The following TMPRSS15 variants were observed in gnomAD, a reference collection of about 807,000 sequenced individuals.
TMPRSS15 encodes the protein transmembrane serine protease 15.
Under a neutral mutation model 125.3 loss-of-function variants are expected in TMPRSS15, and 128 were observed. The observed-to-expected ratio is 1.02, with a 90% CI of 0.89 to 1.18. The LOEUF (loss-of-function observed/expected upper bound fraction) is 1.18, where lower values mean the gene tolerates loss of function less well. TMPRSS15 is among the 50% of genes most tolerant of loss of function. TMPRSS15 has a pLI of 0.00. For synonymous variants in TMPRSS15, 446 were observed against 423.2 expected (o/e 1.05, Z -0.66); for missense variants, 1,283 against 1,212.7 (o/e 1.06, Z -0.86).
intron 4 of TMPRSS15, among the ~76,000 whole-genome samples, chr21:18,381,740 C>T (rs565743552): frequency 3.4e-4 from 52 of 152,144 alleles, no homozygotes; most frequent in Non-Finnish European, 5.7e-4. Context: ...TTCAGCATAT[C>T]TGTCAATTTG....
intron 21 of TMPRSS15, among the ~76,000 whole-genome samples, chr21:18,293,011 C>G (rs2074857150): frequency 6.6e-6 from 1 of 152,108 alleles, no homozygotes; most frequent in African/African-American, 2.4e-5. Context: ...TGGGATGGTG[C>G]TGTCGGTAGC....
At chr21:18,379,351 C>T (rs951444692) in intron 4 of TMPRSS15, 33 bp from the exon 5 acceptor site, 48 of 1,071,292 alleles carry the variant, frequency 4.5e-5, no homozygotes, top group Middle Eastern at 3.3e-4. Context: ...ATAATTATTA[C>T]CTATTTTAAA....
chr21:18,452,289 A>C (rs1978351920), intron 1 of TMPRSS15, among the ~76,000 whole-genome samples: 1 of 152,214 alleles, frequency 6.6e-6, no homozygotes, highest in Admixed American at 6.5e-5. Flanking sequence ...AAGGAATAAA[A>C]ACAACTTTCT....
Position 18,372,340 on chromosome 21 carries a change from G to C in TMPRSS15, c.533-16C>G. On this transcript the variant is annotated splice_polypyrimidine_tract_variant and intron_variant, in intron 5 of 24. Transcript: ENST00000284885. ...GAGACATTTCCTTTAAAAAATAACT[G>C]AAATTAATTTCCAATTGATGAGATA... The C allele has an allele frequency of 6.2e-7, 1 of 1,610,438 alleles. No individual in the cohort carries two copies. Among genetic ancestry groups the C allele is most frequent in the Non-Finnish European group, 8.5e-7 (1 of 1,177,460 alleles).
chr21:18,437,250 G>T (rs2076229941), intron 1 of TMPRSS15, among the ~76,000 whole-genome samples: 1 of 151,702 alleles, frequency 6.6e-6, no homozygotes, highest in South Asian at 2.1e-4. Context: ...AATAAATGGT[G>T]CTGGGAAAAC....
At chr21:18,365,552 TTCTC>T (rs796561745) in intron 6 of TMPRSS15, among the ~76,000 whole-genome samples, 3 of 128,378 alleles carry the variant, frequency 2.3e-5, no homozygotes, top group East Asian at 4.6e-4. Context: ...TTCCTTCCTT[TTCTC>T]TCTTTCTTTC....
chr21:18,402,346 T>A (rs1329307795), intron 1 of TMPRSS15, among the ~76,000 whole-genome samples: 3 of 151,970 alleles, frequency 2.0e-5, no homozygotes, highest in African/African-American at 7.2e-5. Flanking sequence ...CTGGCCAACA[T>A]GGTGAAACCC....
rs1042280524 is a variant in TMPRSS15, at chr21:18,299,471, T to C, written c.2166-1642A>G. Among the ~76,000 whole-genome samples the C allele has an allele frequency of 2.0e-5, 3 of 152,336 alleles. 1 individual carries two copies. The highest frequency in any genetic ancestry group is 6.5e-5 in the Admixed American group (1 of 15,306). ...CTTTCAAAAATATCAAGGGATGCCATTTCAAATTAAAGAGGTTTTAGTTGT... is the reference window on the plus strand; with the variant it reads ...CTTTCAAAAATATCAAGGGATGCCACTTCAAATTAAAGAGGTTTTAGTTGT... On this transcript the variant is annotated intron_variant, in intron 18 of 24. Coordinates refer to ENST00000284885, the MANE Select transcript of TMPRSS15 (RefSeq NM_002772.3).
At chr21:18,316,021 TAA>T (rs1375036250) in intron 16 of TMPRSS15, among the ~76,000 whole-genome samples, 3 of 31,194 alleles carry the variant, frequency 9.6e-5, no homozygotes, top group Non-Finnish European at 5.9e-5. Context: ...TAAAGTATAA[TAA>T]AATATATATA....
intron 16 of TMPRSS15, among the ~76,000 whole-genome samples, chr21:18,322,768 A>T (rs981981006): frequency 6.6e-6 from 1 of 152,186 alleles, no homozygotes; most frequent in Admixed American, 6.5e-5. Flanking sequence ...AATGGGTACC[A>T]AAATAGAGTT....
intron 14 of TMPRSS15, among the ~76,000 whole-genome samples, chr21:18,331,031 C>T (rs1467857072): frequency 6.9e-6 from 1 of 145,254 alleles, no homozygotes; most frequent in Non-Finnish European, 1.5e-5. Context: ...CGAGATCGCA[C>T]CACTGCACTC....
In TMPRSS15 at chr21:18,364,665, A is replaced by G. The variant is rs531895925; in HGVS notation, c.773+475T>C. Reference sequence around the variant, plus strand: ...GTGAAATACATATTGACTGATCCAAATGTCTTTCAAGATATAGTAAGAAAG... The same window carrying G: ...GTGAAATACATATTGACTGATCCAAGTGTCTTTCAAGATATAGTAAGAAAG... On this transcript the variant is annotated intron_variant, in intron 7 of 24. Transcript: ENST00000284885. Among the ~76,000 whole-genome samples, 42 of 152,270 alleles carry G rather than the reference A, an allele frequency of 2.8e-4. No homozygotes were observed. The South Asian group carries it at 8.5e-3, about 31-fold the overall frequency.
intron 3 of TMPRSS15, among the ~76,000 whole-genome samples, chr21:18,397,457 C>T (rs2076050755): frequency 6.6e-6 from 1 of 152,082 alleles, no homozygotes; most frequent in Non-Finnish European, 1.5e-5. Flanking sequence ...TATTGAGCAC[C>T]TACTTTACTT....
intron 15 of TMPRSS15, among the ~76,000 whole-genome samples, chr21:18,328,724 C>A (rs1274060723): frequency 6.6e-6 from 1 of 151,760 alleles, no homozygotes; most frequent in African/African-American, 2.4e-5. Flanking sequence ...AATAGGGTGA[C>A]CACAGCCAAT....
At chr21:18,296,399 A>G (rs2074908274) in intron 19 of TMPRSS15, among the ~76,000 whole-genome samples, 1 of 152,212 alleles carries the variant, frequency 6.6e-6, no homozygotes, top group Non-Finnish European at 1.5e-5. Flanking sequence ...CCAACCCAAT[A>G]TAATGTGGCT....
At chr21:18,470,511 A>T (rs1194538433) in intron 1 of TMPRSS15, among the ~76,000 whole-genome samples, 1 of 152,058 alleles carries the variant, frequency 6.6e-6, no homozygotes, top group Non-Finnish European at 1.5e-5. Flanking sequence ...TCTCCCTCTG[A>T]TACTCTGGGT....
chr21:18,440,236 G>A (rs1173947616), intron 1 of TMPRSS15, among the ~76,000 whole-genome samples: 6 of 151,124 alleles, frequency 4.0e-5, no homozygotes, highest in Non-Finnish European at 8.8e-5. Flanking sequence ...AGCCGGGCAT[G>A]GTGGCGCGCG....
intron 13 of TMPRSS15, among the ~76,000 whole-genome samples, chr21:18,334,126 A>G (rs976510008): frequency 2.6e-5 from 4 of 152,118 alleles, no homozygotes; most frequent in Admixed American, 1.3e-4. Context: ...TCTCTTTCAT[A>G]TATGTTCTGC....
chr21:18,314,254 T>C (rs2075133827), intron 17 of TMPRSS15, among the ~76,000 whole-genome samples: 2 of 152,172 alleles, frequency 1.3e-5, no homozygotes, highest in African/African-American at 4.8e-5. Context: ...AAGCTGTAGT[T>C]TCCTCATGGG....
Sources: gnomAD v4.1 joint callset for allele counts (sites outside exome capture counted in the v4.1 genomes callset) on GRCh38, gnomAD v4.1.1 for gene constraint, MANE v1.5 for transcripts, NCBI Gene and HGNC (gene_info 2026-07-23, HGNC 2026-07-21) for gene names.